The following GALNTL6 variants were observed in gnomAD, a reference collection of about 807,000 sequenced individuals.
GALNTL6 encodes polypeptide N-acetylgalactosaminyltransferase like 6.
In GALNTL6, 46 loss-of-function variants were observed where a neutral mutation model predicts 73.7. The observed-to-expected ratio is 0.62, with a 90% CI of 0.49 to 0.80. The LOEUF (loss-of-function observed/expected upper bound fraction) is 0.80. Among genes scored for constraint, GALNTL6 ranks in the 30% least tolerant of loss-of-function variants. GALNTL6 has a pLI of 0.00. For synonymous variants in GALNTL6, 259 were observed against 263.7 expected (o/e 0.98, Z 0.17); for missense variants, 604 against 755.0 (o/e 0.80, Z 2.34).
At chr4:171,815,298 C>G (rs1367084781) in intron 2 of GALNTL6, 1 of 153,724 alleles carries the variant, frequency 6.5e-6, no homozygotes, top group Non-Finnish European at 1.4e-5. Flanking sequence ...TTATTAAGGA[C>G]GTTCATTCCG....
intron 2 of GALNTL6, among the ~76,000 whole-genome samples, chr4:171,891,635 C>G (rs1736766485): frequency 6.6e-6 from 1 of 152,088 alleles, no homozygotes; most frequent in South Asian, 2.1e-4. Flanking sequence ...AATCTGTGTT[C>G]ATTTTGTGCT....
chr4:172,003,633 A>G (rs1740744888), intron 2 of GALNTL6, among the ~76,000 whole-genome samples: 1 of 152,142 alleles, frequency 6.6e-6, no homozygotes, highest in Non-Finnish European at 1.5e-5. Flanking sequence ...TCTATGTCAG[A>G]TAATTCTTTA....
At chr4:172,191,879 A>G (rs536700285) in intron 2 of GALNTL6, among the ~76,000 whole-genome samples, 17 of 152,322 alleles carry the variant, frequency 1.1e-4, no homozygotes, top group Non-Finnish European at 1.0e-4. Flanking sequence ...GAGACTGTCT[A>G]TATTATTCAG....
chr4:172,552,227 G>T (rs963181847), intron 5 of GALNTL6, among the ~76,000 whole-genome samples: 3 of 151,906 alleles, frequency 2.0e-5, no homozygotes, highest in Non-Finnish European at 2.9e-5. Context: ...GGCCACCAAC[G>T]CCCAGTTACA....
chr4:172,196,742 A>G (rs1269518458), intron 2 of GALNTL6, among the ~76,000 whole-genome samples: 1 of 152,188 alleles, frequency 6.6e-6, no homozygotes, highest in East Asian at 1.9e-4. Context: ...AAAATTCACC[A>G]TCTCTTTATA....
chr4:172,918,894 A>G (rs1409390120), intron 8 of GALNTL6, among the ~76,000 whole-genome samples: 4 of 152,238 alleles, frequency 2.6e-5, no homozygotes, highest in Non-Finnish European at 5.9e-5. Context: ...TCCTAGAGAT[A>G]GAAATAATTT....
intron 5 of GALNTL6, among the ~76,000 whole-genome samples, chr4:172,552,757 T>C (rs1735999104): frequency 7.1e-6 from 1 of 141,562 alleles, no homozygotes; most frequent in Non-Finnish European, 1.5e-5. Flanking sequence ...AATTCTATAT[T>C]GCTTTTTCCT....
At chr4:172,898,437 C>G (rs1265202328) in intron 8 of GALNTL6, among the ~76,000 whole-genome samples, 1 of 148,768 alleles carries the variant, frequency 6.7e-6, no homozygotes, top group Non-Finnish European at 1.5e-5. Context: ...TCCAAACTAT[C>G]AAGATGGTAT....
At chr4:172,338,471 C>A (rs1478801891) in intron 4 of GALNTL6, among the ~76,000 whole-genome samples, 1 of 151,900 alleles carries the variant, frequency 6.6e-6, no homozygotes, top group Non-Finnish European at 1.5e-5. Flanking sequence ...TCTGTTCTTT[C>A]CCTCTACCCC....
At chr4:172,929,569 C>A (rs538558060) in intron 8 of GALNTL6, among the ~76,000 whole-genome samples, 1 of 152,232 alleles carries the variant, frequency 6.6e-6, no homozygotes, top group East Asian at 1.9e-4. Context: ...TTCCTTCTTG[C>A]TCAGTAGAGG....
chr4:172,750,593 C>T (rs1302856697), intron 5 of GALNTL6, among the ~76,000 whole-genome samples: 3 of 152,208 alleles, frequency 2.0e-5, no homozygotes, highest in Non-Finnish European at 4.4e-5. Flanking sequence ...ATTTCCTTCA[C>T]TCTTGCAAAT....
Position 172,283,849 on chromosome 4 carries a change from A to G in GALNTL6, c.248-27765A>G, listed in dbSNP as rs571997374. On this transcript the variant is annotated intron_variant, in intron 3 of 12. Transcript: ENST00000506823. ...TACACATTTTATTACAATATTTTAG[A>G]CCATTCATCACCTTCAAGAGAATGT... Among the ~76,000 whole-genome samples, 4 of 152,318 alleles carry G rather than the reference A, an allele frequency of 2.6e-5. No individual in the cohort carries two copies. The South Asian group carries it at 8.3e-4, about 32-fold the overall frequency.
chr4:172,654,846 TAAC>T (rs1730895777), intron 5 of GALNTL6, among the ~76,000 whole-genome samples: 1 of 152,218 alleles, frequency 6.6e-6, no homozygotes, highest in South Asian at 2.1e-4. Flanking sequence ...ATAGTAATAA[TAAC>T]AACGTTTGCT....
chr4:172,224,371 A>G (rs905772202), intron 2 of GALNTL6, among the ~76,000 whole-genome samples: 4 of 152,188 alleles, frequency 2.6e-5, no homozygotes, highest in African/African-American at 9.7e-5. Flanking sequence ...GAGTTTTTCT[A>G]CTACATCATA....
In GALNTL6 at chr4:171,814,497, G is replaced by A. The variant is rs1010050032; in HGVS notation, c.-84G>A. 44 of 1,447,460 alleles carry A rather than the reference G, an allele frequency of 3.0e-5. No homozygotes were observed. The Admixed American group carries it at 3.9e-4, about 13-fold the overall frequency. 89.7% of individuals were successfully genotyped at this position (1,447,460 alleles called of 1,614,324 possible). ...TTCTCAGTTTCTGGTGCTTCGCAGG[G>A]GAGAGGAAAGGAATTTGACATTAAA... is the stretch of plus-strand genomic sequence containing the variant. On this transcript the variant is annotated 5_prime_UTR_variant, in exon 2 of 13. Coordinates refer to ENST00000506823, the MANE Select transcript of GALNTL6 (RefSeq NM_001034845.3).
At chr4:172,039,833 T>C (rs967336338) in intron 2 of GALNTL6, among the ~76,000 whole-genome samples, 2 of 152,140 alleles carry the variant, frequency 1.3e-5, no homozygotes, top group African/African-American at 4.8e-5. Context: ...TTAAAATGAC[T>C]TGATTGCCTC....
At chr4:172,359,786 A>G (rs1742299222) in intron 5 of GALNTL6, among the ~76,000 whole-genome samples, 1 of 152,154 alleles carries the variant, frequency 6.6e-6, no homozygotes, top group Non-Finnish European at 1.5e-5. Flanking sequence ...CAATCAGCCT[A>G]TCCATCTACC....
chr4:172,733,182 T>C (rs1420790220), intron 5 of GALNTL6, among the ~76,000 whole-genome samples: 1 of 152,206 alleles, frequency 6.6e-6, no homozygotes, highest in Non-Finnish European at 1.5e-5. Context: ...CAAATTAGAA[T>C]GAGAATTCTG....
At chr4:172,298,312 G>A (rs184125384) in intron 3 of GALNTL6, among the ~76,000 whole-genome samples, 1 of 152,114 alleles carries the variant, frequency 6.6e-6, no homozygotes, top group African/African-American at 2.4e-5. Flanking sequence ...GGGACAATTC[G>A]ACTTCCTCTT....
Sources: gnomAD v4.1 joint callset for allele counts (sites outside exome capture counted in the v4.1 genomes callset) on GRCh38, gnomAD v4.1.1 for gene constraint, MANE v1.5 for transcripts, NCBI Gene and HGNC (gene_info 2026-07-23, HGNC 2026-07-21) for gene names.